The following CFAP96 variants were observed in gnomAD, a reference collection of about 807,000 sequenced individuals.
The protein encoded by CFAP96 is cilia and flagella associated protein 96.
At chr4:185,413,163 G>T in the CFAP96 span, among the ~76,000 whole-genome samples, 3 of 152,118 alleles carry the variant, frequency 2.0e-5, no homozygotes, top group Non-Finnish European at 2.9e-5. Flanking sequence ...AAACTAGCCA[G>T]GTGTGGTGGC....
At chr4:185,412,984 G>A in the CFAP96 span, among the ~76,000 whole-genome samples, 150,656 of 152,294 alleles carry the variant, frequency 0.99, 74,532 homozygotes, top group East Asian at 1. Flanking sequence ...TATGTTACAT[G>A]GAAAATAAGT....
the CFAP96 span, among the ~76,000 whole-genome samples, chr4:185,420,107 C>T: frequency 9.9e-5 from 15 of 152,232 alleles, no homozygotes; most frequent in African/African-American, 3.1e-4. Flanking sequence ...ATTTAAACCT[C>T]TTAGTTCTTT....
At chr4:185,410,269 G>A in the CFAP96 span, among the ~76,000 whole-genome samples, 3 of 152,120 alleles carry the variant, frequency 2.0e-5, no homozygotes, top group Non-Finnish European at 4.4e-5. Context: ...ATACTTAGAA[G>A]TGAACAAAAC....
the CFAP96 span, chr4:185,436,205 G>A: frequency 2.1e-5 from 33 of 1,545,476 alleles, no homozygotes; most frequent in Non-Finnish European, 2.8e-5. Context: ...TTAATACTTT[G>A]TCATATCGTT....
the CFAP96 span, among the ~76,000 whole-genome samples, chr4:185,416,372 A>G: frequency 6.6e-6 from 1 of 152,246 alleles, no homozygotes; most frequent in Non-Finnish European, 1.5e-5. Flanking sequence ...TTAAACATAT[A>G]ACTATATACC....
the CFAP96 span, chr4:185,436,392 C>T: frequency 7.7e-6 from 11 of 1,424,504 alleles, no homozygotes; most frequent in East Asian, 1.5e-4. Context: ...TTCAACCTTT[C>T]TTTTATTTAG....
chr4:185,431,150 C>T, the CFAP96 span, among the ~76,000 whole-genome samples: 1 of 145,518 alleles, frequency 6.9e-6, no homozygotes, highest in African/African-American at 2.6e-5. Flanking sequence ...GTGGAGGTTG[C>T]AGTGAGCTGA....
chr4:185,419,621 T>A, the CFAP96 span, among the ~76,000 whole-genome samples: 1 of 152,246 alleles, frequency 6.6e-6, no homozygotes, highest in African/African-American at 2.4e-5. Flanking sequence ...ATTAACCTAC[T>A]TTTTTCTTTA....
the CFAP96 span, chr4:185,422,698 T>C: frequency 7.2e-6 from 5 of 692,072 alleles, no homozygotes; most frequent in Non-Finnish European, 1.2e-5. Context: ...AGTTAATTCC[T>C]TGTTTTATAG....
chr4:185,418,468 T>C, the CFAP96 span: 1 of 1,611,006 alleles, frequency 6.2e-7, no homozygotes, highest in Non-Finnish European at 8.5e-7. Flanking sequence ...TGTCCTTCTT[T>C]CTCATGAATT....
At chr4:185,435,325 T>C in the CFAP96 span, among the ~76,000 whole-genome samples, 1 of 152,228 alleles carries the variant, frequency 6.6e-6, no homozygotes, top group Non-Finnish European at 1.5e-5. Flanking sequence ...GTATGAACAG[T>C]GTCAAGTTTT....
the CFAP96 span, chr4:185,436,350 A>G: frequency 1.7e-4 from 269 of 1,544,898 alleles, 2 homozygotes; most frequent in East Asian, 6.3e-3. Flanking sequence ...CAGCAAAACT[A>G]AAGTATAAGG....
At chr4:185,420,605 A>G in the CFAP96 span, among the ~76,000 whole-genome samples, 1 of 152,196 alleles carries the variant, frequency 6.6e-6, no homozygotes, top group Non-Finnish European at 1.5e-5. Flanking sequence ...AAATATTTTG[A>G]TATGTTTCAG....
the CFAP96 span, chr4:185,436,210 A>T: frequency 6.5e-7 from 1 of 1,545,514 alleles, no homozygotes; most frequent in Non-Finnish European, 8.7e-7. Flanking sequence ...ACTTTGTCAT[A>T]TCGTTTGTTT....
the CFAP96 span, among the ~76,000 whole-genome samples, chr4:185,448,269 C>T: frequency 1.3e-5 from 2 of 152,166 alleles, no homozygotes; most frequent in Admixed American, 1.3e-4. Flanking sequence ...GATCCGCCCG[C>T]CTCAGCCTCC....
the CFAP96 span, among the ~76,000 whole-genome samples, chr4:185,416,573 A>G: frequency 6.6e-6 from 1 of 152,318 alleles, no homozygotes; most frequent in East Asian, 1.9e-4. Flanking sequence ...TGGAGGTATC[A>G]ATGTGATTTA....
At chr4:185,416,542 A>G in the CFAP96 span, among the ~76,000 whole-genome samples, 1 of 152,140 alleles carries the variant, frequency 6.6e-6, no homozygotes, top group East Asian at 1.9e-4. Context: ...AAGGTCAAGC[A>G]CTCTAGGGTT....
the CFAP96 span, among the ~76,000 whole-genome samples, chr4:185,416,412 A>C: frequency 6.6e-6 from 1 of 152,222 alleles, no homozygotes; most frequent in East Asian, 1.9e-4. Context: ...AACTATAATC[A>C]AATACTGAAC....
the CFAP96 span, among the ~76,000 whole-genome samples, chr4:185,410,880 A>C: frequency 6.8e-6 from 1 of 147,808 alleles, no homozygotes; most frequent in Non-Finnish European, 1.5e-5. Flanking sequence ...CAGGAGGCGG[A>C]GGTTGCAGTG....
Sources: gnomAD v4.1 joint callset for allele counts (sites outside exome capture counted in the v4.1 genomes callset) on GRCh38, gnomAD v4.1.1 for gene constraint, MANE v1.5 for transcripts, NCBI Gene and HGNC (gene_info 2026-07-23, HGNC 2026-07-21) for gene names.